The following GRM7 variants were observed in gnomAD, a reference collection of about 807,000 sequenced individuals.
GRM7 encodes metabotropic glutamate receptor 7.
GRM7 carries 35 observed loss-of-function variants against 84.5 expected under a neutral mutation model. That is an observed-to-expected ratio of 0.41 (90% CI 0.32 to 0.55). The LOEUF is 0.55. GRM7 is among the 20% of genes least tolerant of loss of function. GRM7 has a pLI of 0.19. For missense variants in GRM7, 1,003 were observed against 1,194.6 expected, an observed-to-expected ratio of 0.84 and a Z score of 2.36; for synonymous variants, 487 against 455.1, an observed-to-expected ratio of 1.07 and a Z score of -0.89.
chr3:7,312,630 G>A (rs528862338), intron 4 of GRM7, among the ~76,000 whole-genome samples: 19 of 152,196 alleles, frequency 1.2e-4, no homozygotes, highest in African/African-American at 4.3e-4. Flanking sequence ...CTCCCAATAT[G>A]TTGGTTTAAA....
At chr3:7,224,949 A>G (rs1028812444) in intron 2 of GRM7, among the ~76,000 whole-genome samples, 5 of 152,248 alleles carry the variant, frequency 3.3e-5, no homozygotes, top group African/African-American at 1.2e-4. Context: ...TGCCTTGTGT[A>G]TTCTCATATT....
chr3:7,053,719 T>A (rs941794122), intron 1 of GRM7, among the ~76,000 whole-genome samples: 1 of 151,654 alleles, frequency 6.6e-6, no homozygotes, highest in Admixed American at 6.6e-5. Context: ...GTTCCTTTGA[T>A]CTATATGTCT....
intron 1 of GRM7, among the ~76,000 whole-genome samples, chr3:6,878,647 G>A (rs1695401923): frequency 6.6e-6 from 1 of 152,104 alleles, no homozygotes; most frequent in East Asian, 1.9e-4. Flanking sequence ...AAATAGCAAA[G>A]GCTCTCAAAC....
intron 2 of GRM7, among the ~76,000 whole-genome samples, chr3:7,160,940 CAG>C (rs1694604112): frequency 6.6e-6 from 1 of 152,138 alleles, no homozygotes; most frequent in Non-Finnish European, 1.5e-5. Context: ...GCCTGGGACA[CAG>C]TGTGTTCTCA....
chr3:7,728,283 T>G (rs371367812), intron 9 of GRM7, among the ~76,000 whole-genome samples: 1 of 152,234 alleles, frequency 6.6e-6, no homozygotes, highest in African/African-American at 2.4e-5. Context: ...AGTTTATGTC[T>G]GTAACCAGGT....
At chr3:7,318,385 A>G (rs1441663242) in intron 4 of GRM7, among the ~76,000 whole-genome samples, 3 of 152,098 alleles carry the variant, frequency 2.0e-5, no homozygotes, top group Non-Finnish European at 4.4e-5. Context: ...AACTGTACCT[A>G]GTGCAGTAAG....
chr3:7,010,434 A>G (rs1454574540), intron 1 of GRM7, among the ~76,000 whole-genome samples: 2 of 152,234 alleles, frequency 1.3e-5, no homozygotes, highest in African/African-American at 4.8e-5. Context: ...AGCCTGGGTG[A>G]CGGAGCAAGA....
At chr3:6,939,253 C>T (rs1469688915) in intron 1 of GRM7, among the ~76,000 whole-genome samples, 3 of 151,980 alleles carry the variant, frequency 2.0e-5, no homozygotes, top group Admixed American at 6.6e-5. Flanking sequence ...TAAGAAATAT[C>T]CAGTTGTACT....
intron 1 of GRM7, among the ~76,000 whole-genome samples, chr3:6,953,342 A>G (rs893269198): frequency 6.6e-6 from 1 of 152,220 alleles, no homozygotes; most frequent in Non-Finnish European, 1.5e-5. Context: ...CAAGATCTAG[A>G]TGCAGGAGGT....
intron 6 of GRM7, among the ~76,000 whole-genome samples, chr3:7,460,058 A>G (rs944130883): frequency 7.0e-6 from 1 of 143,614 alleles, no homozygotes; most frequent in African/African-American, 2.5e-5. Context: ...GAGAGTTATG[A>G]CAGCATCTTA....
rs183266596 is a variant in GRM7 at position 7,347,730 on chromosome 3, A to G, written c.1033+41078A>G. Among the ~76,000 whole-genome samples the G allele has an allele frequency of 4.6e-5, 7 of 152,218 alleles. No homozygotes were observed. The East Asian group carries it at 1.2e-3, about 25-fold the overall frequency. On this transcript the variant is annotated intron_variant, in intron 4 of 9. Coordinates refer to ENST00000357716, the MANE Select transcript of GRM7 (RefSeq NM_000844.4). ...CTTTATCGTCTTCATTATTCTTTCC[A>G]TGTTCACCATTTATCTCTCCTATTC... is the stretch of plus-strand genomic sequence containing the variant.
At chr3:6,908,019 G>C (rs1696640217) in intron 1 of GRM7, among the ~76,000 whole-genome samples, 1 of 152,026 alleles carries the variant, frequency 6.6e-6, no homozygotes, top group East Asian at 1.9e-4. Flanking sequence ...TACATATACT[G>C]TACATACGCT....
intron 1 of GRM7, among the ~76,000 whole-genome samples, chr3:6,882,644 G>T (rs1240966): frequency 0.69 from 104,725 of 152,076 alleles, 40,655 homozygotes; most frequent in South Asian, 0.87. Context: ...TGTTTGTGGG[G>T]GTACACACAG....
At chr3:7,630,945 T>A (rs1697835253) in intron 8 of GRM7, among the ~76,000 whole-genome samples, 1 of 152,240 alleles carries the variant, frequency 6.6e-6, no homozygotes, top group South Asian at 2.1e-4. Flanking sequence ...GATGATGTGA[T>A]CTTTTTAAAA....
At chr3:7,037,844 G>A (rs1696437745) in intron 1 of GRM7, among the ~76,000 whole-genome samples, 1 of 151,946 alleles carries the variant, frequency 6.6e-6, no homozygotes, top group South Asian at 2.1e-4. Flanking sequence ...AACCACAAAG[G>A]GGAAATTATA....
chr3:7,589,686 G>T (rs1046083840), intron 8 of GRM7, among the ~76,000 whole-genome samples: 1 of 152,140 alleles, frequency 6.6e-6, no homozygotes, highest in Non-Finnish European at 1.5e-5. Flanking sequence ...GAAATGAAAG[G>T]AATCATCATT....
At chr3:7,665,856 G>A (rs993286163) in intron 8 of GRM7, among the ~76,000 whole-genome samples, 3 of 151,966 alleles carry the variant, frequency 2.0e-5, no homozygotes, top group Admixed American at 6.6e-5. Context: ...AAATCCACCC[G>A]TTATATATTT....
chr3:7,571,488 A>G (rs1042455365), intron 7 of GRM7, among the ~76,000 whole-genome samples: 6 of 152,316 alleles, frequency 3.9e-5, no homozygotes, highest in Non-Finnish European at 7.4e-5. Flanking sequence ...TTGCTAAACC[A>G]TAAGAATCAC....
At chr3:7,039,353 T>C (rs183341771) in intron 1 of GRM7, among the ~76,000 whole-genome samples, 29 of 152,302 alleles carry the variant, frequency 1.9e-4, no homozygotes, top group Admixed American at 5.2e-4. Flanking sequence ...AAGTGTTTTT[T>C]AAAAAAATTT....
Sources: allele counts gnomAD v4.1 joint callset (sites outside exome capture counted in the v4.1 genomes callset), GRCh38; gene constraint gnomAD v4.1.1; transcripts MANE v1.5; gene names NCBI Gene and HGNC (gene_info 2026-07-23, HGNC 2026-07-21).